Variants in CADM2 observed in about 807,000 individuals in gnomAD.
CADM2 encodes cell adhesion molecule 2.
Under a neutral mutation model 49.8 loss-of-function variants are expected in CADM2, and 12 were observed. The ratio of observed to expected loss-of-function variants is 0.24; its 90% CI spans 0.15 to 0.39. The LOEUF is 0.39. Ranked by LOEUF, CADM2 falls within the 10% of genes least tolerant of loss-of-function variation. The probability of loss-of-function intolerance (pLI) is 1.00; values close to 1 mark genes in which losing one functional copy is unlikely to be tolerated. For missense variants in CADM2, 378 were observed against 492.3 expected (o/e 0.77, Z 2.20); for synonymous variants, 214 against 175.4 (o/e 1.22, Z -1.74).
At chr3:85,030,300 G>C (rs542356901) in intron 1 of CADM2, among the ~76,000 whole-genome samples, 1 of 151,968 alleles carries the variant, frequency 6.6e-6, no homozygotes, top group Non-Finnish European at 1.5e-5. Flanking sequence ...CAACTCCACC[G>C]TGCTCTGACC....
chr3:86,021,671 G>T (rs1290677772), intron 8 of CADM2, among the ~76,000 whole-genome samples: 1 of 152,156 alleles, frequency 6.6e-6, no homozygotes, highest in Non-Finnish European at 1.5e-5. Flanking sequence ...GCTCATCCAT[G>T]TTGGAGCAAA....
At chr3:85,893,295 G>T (rs1040689773) in intron 5 of CADM2, among the ~76,000 whole-genome samples, 20 of 152,074 alleles carry the variant, frequency 1.3e-4, no homozygotes, top group Non-Finnish European at 2.4e-4. Flanking sequence ...CTAGCCATAT[G>T]TAGAAAGCTG....
chr3:85,097,699 C>G (rs896937090), intron 1 of CADM2, among the ~76,000 whole-genome samples: 2 of 152,166 alleles, frequency 1.3e-5, no homozygotes, highest in Non-Finnish European at 2.9e-5. Flanking sequence ...GCAAATTTTT[C>G]TCACAATAAT....
At chr3:85,277,132 G>A (rs775629843) in intron 1 of CADM2, among the ~76,000 whole-genome samples, 7 of 151,250 alleles carry the variant, frequency 4.6e-5, no homozygotes, top group Admixed American at 6.6e-5. Flanking sequence ...GGAATAGACA[G>A]GAACTGATGA....
At chr3:85,986,239 A>T (rs1336142658) in intron 8 of CADM2, among the ~76,000 whole-genome samples, 2 of 152,052 alleles carry the variant, frequency 1.3e-5, no homozygotes, top group East Asian at 3.9e-4. Flanking sequence ...GAATACAAAG[A>T]AATAAAGAAA....
chr3:85,689,693 G>T (rs1376385216), intron 1 of CADM2, among the ~76,000 whole-genome samples: 1 of 152,158 alleles, frequency 6.6e-6, no homozygotes, highest in Non-Finnish European at 1.5e-5. Flanking sequence ...TCTAAGGTGT[G>T]GGGTATAGAG....
intron 6 of CADM2, among the ~76,000 whole-genome samples, chr3:85,921,773 T>G (rs1719152641): frequency 6.6e-6 from 1 of 152,026 alleles, no homozygotes; most frequent in South Asian, 2.1e-4. Context: ...TCTCTCTCTC[T>G]CGTTACATCA....
chr3:85,939,887 A>G (rs538484470), intron 7 of CADM2, among the ~76,000 whole-genome samples: 1 of 150,364 alleles, frequency 6.7e-6, no homozygotes, highest in East Asian at 2.0e-4. Flanking sequence ...CAGATCACAT[A>G]CTATATAGCA....
At chr3:85,791,543 AAAG>A (rs2071330530) in intron 2 of CADM2, among the ~76,000 whole-genome samples, 3 of 139,964 alleles carry the variant, frequency 2.1e-5, no homozygotes, top group South Asian at 2.2e-4. Context: ...AGAGAGAGAG[AAAG>A]AGAGAGAGAG....
chr3:85,641,924 CCG>C (rs1183446343), intron 1 of CADM2, among the ~76,000 whole-genome samples: 1 of 151,908 alleles, frequency 6.6e-6, no homozygotes, highest in African/African-American at 2.4e-5. Flanking sequence ...GAGCGAGACT[CCG>C]TCTCAAAAAA....
intron 8 of CADM2, among the ~76,000 whole-genome samples, chr3:86,041,005 A>G (rs956593159): frequency 1.3e-5 from 2 of 152,148 alleles, no homozygotes; most frequent in Admixed American, 1.3e-4. Context: ...AAGGAGAAAT[A>G]AAATACTTTA....
At chr3:85,308,389 T>C (rs898684887) in intron 1 of CADM2, among the ~76,000 whole-genome samples, 2 of 151,554 alleles carry the variant, frequency 1.3e-5, no homozygotes, top group Non-Finnish European at 2.9e-5. Context: ...CCCTTCAGTA[T>C]GCTGATATTC....
At chr3:85,483,439 A>G (rs1379349252) in intron 1 of CADM2, among the ~76,000 whole-genome samples, 2 of 151,198 alleles carry the variant, frequency 1.3e-5, no homozygotes, top group African/African-American at 4.8e-5. Context: ...ATTAACAAAT[A>G]ATTTTTGATT....
intron 1 of CADM2, among the ~76,000 whole-genome samples, chr3:85,456,379 T>C (rs570254605): frequency 1.3e-5 from 2 of 152,278 alleles, no homozygotes; most frequent in Admixed American, 6.5e-5. Flanking sequence ...CAGTATTATG[T>C]AACACTTGGC....
intron 1 of CADM2, among the ~76,000 whole-genome samples, chr3:85,389,414 A>G (rs1821349): frequency 0.25 from 38,485 of 152,018 alleles, 5,048 homozygotes; most frequent in South Asian, 0.34. Flanking sequence ...ATGACATTGG[A>G]GTTACAAGAC....
rs962769886 is a variant in CADM2, at chr3:85,999,272, G to C, written c.970+37625G>C. On this transcript the variant is annotated intron_variant, in intron 8 of 9. Coordinates refer to ENST00000383699, the MANE Select transcript of CADM2 (RefSeq NM_001167675.2). ...CCATCACTTTGGGAGGCCGAGGGTT[G>C]GGGGGTGGATCACTTGAGTTCAGGA... is the stretch of plus-strand genomic sequence containing the variant. 5.2e-3 allele frequency among the ~76,000 whole-genome samples: 759 copies of C among 145,022 alleles called. 14 individuals are homozygous for C. The East Asian group carries it at 0.053, about 10-fold the overall frequency.
intron 1 of CADM2, among the ~76,000 whole-genome samples, chr3:85,047,115 C>A (rs1032254417): frequency 6.6e-5 from 10 of 152,106 alleles, no homozygotes; most frequent in Non-Finnish European, 1.3e-4. Flanking sequence ...GTTAACTTTT[C>A]TTTTTATATC....
chr3:85,487,349 T>C (rs12107032), intron 1 of CADM2, among the ~76,000 whole-genome samples: 7,574 of 152,196 alleles, frequency 0.05, 634 homozygotes, highest in African/African-American at 0.17. Flanking sequence ...CATCCATCTC[T>C]AGAAAATGAA....
At chr3:85,109,473 A>C (rs1228525770) in intron 1 of CADM2, among the ~76,000 whole-genome samples, 6 of 151,956 alleles carry the variant, frequency 3.9e-5, no homozygotes, top group Non-Finnish European at 8.8e-5. Flanking sequence ...GTAAAGACTC[A>C]AGAGTTCAGT....
Sources: gnomAD v4.1 joint callset for allele counts (sites outside exome capture counted in the v4.1 genomes callset) on GRCh38, gnomAD v4.1.1 for gene constraint, MANE v1.5 for transcripts, NCBI Gene and HGNC (gene_info 2026-07-23, HGNC 2026-07-21) for gene names.